The following TMEM91 variants were observed in gnomAD, a reference collection of about 807,000 sequenced individuals.
TMEM91 encodes the protein transmembrane protein 91.
In TMEM91, 6 loss-of-function variants were observed where a neutral mutation model predicts 13.3. The ratio of observed to expected loss-of-function variants is 0.45; its 90% CI spans 0.25 to 0.89. TMEM91 has a LOEUF of 0.89. Among genes scored for constraint, TMEM91 ranks in the 40% least tolerant of loss-of-function variants. TMEM91 has a pLI of 0.19. For synonymous variants in TMEM91, 87 were observed against 101.7 expected, an observed-to-expected ratio of 0.86 and a Z score of 0.87; for missense variants, 193 against 228.7, an observed-to-expected ratio of 0.84 and a Z score of 1.01.
chr19:41,382,052 G>C (rs150553275), intron 2 of TMEM91, among the ~76,000 whole-genome samples: 1 of 151,910 alleles, frequency 6.6e-6, no homozygotes, highest in South Asian at 2.1e-4. Context: ...TTTTAGTGGA[G>C]ATGAGGTTTC....
Position 41,378,458 on chromosome 19 carries a change from T to C in TMEM91, c.149T>C (p.Leu50Pro). The change falls in exon 2 of 4, where the codon CTG becomes CCG. Residue 50 changes from leucine (L) to proline (P), a missense_variant. Leu to Pro is a moderately conservative substitution (Grantham distance 98, BLOSUM62 -3). Transcript: ENST00000392002. The stretch of plus-strand genomic sequence containing the variant: ...GAGTCCCTGAGGGGTTTGCAGTTCC[T>C]GTCACCGCCTCTTCCCTCCGTGAGC... ...FAESLRGLQF[L>P]SPPLPSVSAG... The C allele has an allele frequency of 1.9e-6, 3 of 1,614,136 alleles. No individual in the cohort carries two copies. Among genetic ancestry groups the C allele is most frequent in the South Asian group, 1.1e-5 (1 of 91,076 alleles).
chr19:41,376,010 C>T (rs1599926213), upstream of TMEM91, among the ~76,000 whole-genome samples: 1 of 151,970 alleles, frequency 6.6e-6, no homozygotes, highest in South Asian at 2.1e-4. Context: ...ATCCCAGCTA[C>T]TCGGGAGGCT....
intron 1 of TMEM91, among the ~76,000 whole-genome samples, chr19:41,366,959 G>A (rs2038537437): frequency 6.6e-6 from 1 of 151,708 alleles, no homozygotes; most frequent in East Asian, 2.0e-4. Flanking sequence ...CCAACATATA[G>A]CGAAACCCTG....
At chr19:41,374,093 C>G (rs528691428), upstream of TMEM91, 3 of 152,398 alleles carry the variant, frequency 2.0e-5, no homozygotes, top group African/African-American at 7.2e-5. Flanking sequence ...TCTACCCTCC[C>G]GTGGGTCTCC....
At chr19:41,382,468 A>G (rs551719601) in intron 2 of TMEM91, among the ~76,000 whole-genome samples, 1 of 152,232 alleles carries the variant, frequency 6.6e-6, no homozygotes, top group Non-Finnish European at 1.5e-5. Context: ...TACTAAAAAT[A>G]CAAAATTAGC....
At chr19:41,382,163 G>A (rs1035871925) in intron 2 of TMEM91, among the ~76,000 whole-genome samples, 1 of 151,970 alleles carries the variant, frequency 6.6e-6, no homozygotes, top group East Asian at 1.9e-4. Flanking sequence ...TACCACGCCC[G>A]GCCATGCGGG....
Position 41,364,658 on chromosome 19 carries a change from AAG to A in TMEM91, c.-30+564_-30+565del, listed in dbSNP as rs1332830769. Among the ~76,000 whole-genome samples the A allele has an allele frequency of 3.3e-5, 5 of 152,024 alleles. No individual in the cohort carries two copies. In the East Asian group the frequency reaches 5.8e-4, roughly 18 times the overall value. On this transcript the variant is annotated intron_variant, in intron 1 of 3. Transcript: ENST00000413014. ...GGACAAGGAAGGAAGGAAGTTGGAT[AAG>A]TCCAACTTCCTTCTCGGAGCTACTA...
intron 1 of TMEM91, among the ~76,000 whole-genome samples, chr19:41,370,499 C>T (rs565835893): frequency 4.4e-4 from 67 of 151,978 alleles, no homozygotes; most frequent in Non-Finnish European, 8.2e-4. Context: ...CTCCGCCTTC[C>T]GGGTTTAACC....
At chr19:41,383,569 G>A in intron 3 of TMEM91, 146 bp from the exon 4 acceptor site, 1 of 1,612,848 alleles carries the variant, frequency 6.2e-7, no homozygotes, top group South Asian at 1.1e-5. Context: ...AGCATCCCCA[G>A]TGCCTGACCT....
Position 41,383,939 on chromosome 19 carries a change from G to A in TMEM91, c.*66G>A. On this transcript the variant is annotated 3_prime_UTR_variant, in exon 4 of 4. Coordinates refer to ENST00000392002, the MANE Select transcript of TMEM91 (RefSeq NM_001098821.2). The stretch of plus-strand genomic sequence containing the variant: ...CCCAGCAAATCTGTGGGCAGAGAGT[G>A]GAGAATCTTGGTGGATGAGGCTGCG... 3 of 1,568,126 alleles carry A rather than the reference G, an allele frequency of 1.9e-6. No homozygotes were observed. The highest frequency in any genetic ancestry group is 2.6e-6 in the Non-Finnish European group (3 of 1,163,108).
At chr19:41,375,063 C>G (rs963682554), upstream of TMEM91, among the ~76,000 whole-genome samples, 1 of 151,996 alleles carries the variant, frequency 6.6e-6, no homozygotes, top group Non-Finnish European at 1.5e-5. Context: ...CACTGTACCA[C>G]GTGACAATCA....
At chr19:41,379,544 GA>G (rs911489565) in intron 2 of TMEM91, among the ~76,000 whole-genome samples, 2 of 149,360 alleles carry the variant, frequency 1.3e-5, no homozygotes, top group Admixed American at 6.8e-5. Context: ...AAGAGAGGGA[GA>G]GGGGGGAGAG....
At chr19:41,366,529 G>C (rs2038530606) in intron 1 of TMEM91, among the ~76,000 whole-genome samples, 1 of 152,078 alleles carries the variant, frequency 6.6e-6, no homozygotes. Flanking sequence ...CATCTGCTCA[G>C]ACCCGTCCAG....
upstream of TMEM91, among the ~76,000 whole-genome samples, chr19:41,374,622 A>G (rs1599924828): frequency 6.6e-6 from 1 of 152,272 alleles, no homozygotes; most frequent in East Asian, 1.9e-4. Context: ...CCCATTTTGT[A>G]GGTGAAGAAA....
chr19:41,383,365 T>A (rs1311542040), intron 3 of TMEM91: 1 of 617,202 alleles, frequency 1.6e-6, no homozygotes, highest in Non-Finnish European at 2.4e-6. Flanking sequence ...TCTGCAAGAT[T>A]TTGGGCAAGT....
chr19:41,375,818 A>T (rs1427298766), upstream of TMEM91, among the ~76,000 whole-genome samples: 3 of 148,924 alleles, frequency 2.0e-5, no homozygotes, highest in African/African-American at 7.6e-5. Context: ...GTCTTTTAAA[A>T]AATAATAATA....
At chr19:41,372,638 G>A (rs1198186536), upstream of TMEM91, among the ~76,000 whole-genome samples, 1 of 152,068 alleles carries the variant, frequency 6.6e-6, no homozygotes, top group Non-Finnish European at 1.5e-5. Flanking sequence ...TTAGATTTAA[G>A]TTATGCATTT....
At chr19:41,375,278 T>TC (rs2038692764), upstream of TMEM91, among the ~76,000 whole-genome samples, 1 of 76,904 alleles carries the variant, frequency 1.3e-5, no homozygotes, top group South Asian at 4.3e-4. Flanking sequence ...CTTTTCTTTT[T>TC]TTTTTTTTTT....
In TMEM91 at chr19:41,376,684, T is replaced by G. The variant is rs566904899; in HGVS notation, c.-200T>G. On this transcript the variant is annotated 5_prime_UTR_variant, in exon 1 of 4. Coordinates refer to ENST00000392002, the MANE Select transcript of TMEM91 (RefSeq NM_001098821.2). ...CCGGACGCCGCGGAGGGACAGAGCC[T>G]GGGAAGCCGTCGCCCCGCCCCGTCC... 6.6e-6 allele frequency: 1 copy of G among 152,300 alleles called. No individual in the cohort carries two copies. The highest frequency in any genetic ancestry group is 2.1e-4 in the South Asian group (1 of 4,826). The allele number at this position is 152,300 out of a possible 1,614,324, so 9.4% of individuals were successfully genotyped here.
Sources: gnomAD v4.1 joint callset for allele counts (sites outside exome capture counted in the v4.1 genomes callset) on GRCh38, gnomAD v4.1.1 for gene constraint, MANE v1.5 for transcripts, NCBI Gene and HGNC (gene_info 2026-07-23, HGNC 2026-07-21) for gene names.